Variants in SLC24A2 observed in about 807,000 individuals in gnomAD.
SLC24A2 encodes sodium/potassium/calcium exchanger 2.
A neutral mutation model predicts 62.0 loss-of-function variants in SLC24A2; 36 were observed. The observed-to-expected ratio is 0.58, with a 90% CI of 0.44 to 0.77. SLC24A2 has a LOEUF of 0.77. Among genes scored for constraint, SLC24A2 ranks in the 30% least tolerant of loss-of-function variants. SLC24A2 has a pLI of 0.00. For missense variants in SLC24A2, 846 were observed against 817.9 expected (o/e 1.03, Z -0.42); for synonymous variants, 358 against 294.0 (o/e 1.22, Z -2.23).
chr9:20,171,355 A>G, the SLC24A2 span, among the ~76,000 whole-genome samples: 5 of 152,036 alleles, frequency 3.3e-5, no homozygotes, highest in Non-Finnish European at 7.4e-5. Context: ...ATAGAATAGT[A>G]CCTCACATAT....
the SLC24A2 span, among the ~76,000 whole-genome samples, chr9:19,990,038 T>C: frequency 6.6e-6 from 1 of 152,214 alleles, no homozygotes; most frequent in Non-Finnish European, 1.5e-5. Context: ...GGCTCAGTTC[T>C]TTAGAGTTAT....
the SLC24A2 span, among the ~76,000 whole-genome samples, chr9:20,006,548 T>A: frequency 6.6e-6 from 1 of 152,136 alleles, no homozygotes; most frequent in African/African-American, 2.4e-5. Context: ...TTATTAAGCA[T>A]TGCATGCCTG....
At chr9:20,111,747 G>C in the SLC24A2 span, among the ~76,000 whole-genome samples, 1 of 152,038 alleles carries the variant, frequency 6.6e-6, no homozygotes, top group Non-Finnish European at 1.5e-5. Flanking sequence ...ATAAAATCTA[G>C]CATCAGAATG....
At chr9:19,856,977 C>A in the SLC24A2 span, among the ~76,000 whole-genome samples, 44 of 152,286 alleles carry the variant, frequency 2.9e-4, no homozygotes, top group Middle Eastern at 3.4e-3. Context: ...TTAAACATTT[C>A]TTTTAGGGTT....
intron 2 of SLC24A2, among the ~76,000 whole-genome samples, chr9:19,763,258 G>A (rs536077087): frequency 2.0e-4 from 30 of 152,168 alleles, no homozygotes; most frequent in Non-Finnish European, 4.1e-4. Context: ...CGTGTCATCT[G>A]CAAACAGAGA....
chr9:20,103,351 T>G, the SLC24A2 span, among the ~76,000 whole-genome samples: 1 of 152,172 alleles, frequency 6.6e-6, no homozygotes. Flanking sequence ...AGCATGGTTC[T>G]CCCAGCATGC....
At chr9:20,090,245 T>A in the SLC24A2 span, among the ~76,000 whole-genome samples, 1 of 152,048 alleles carries the variant, frequency 6.6e-6, no homozygotes, top group African/African-American at 2.4e-5. Context: ...GACCTGAATC[T>A]CTCTGGGGTG....
chr9:19,682,360 C>G (rs1418996492), intron 2 of SLC24A2, among the ~76,000 whole-genome samples: 1 of 152,014 alleles, frequency 6.6e-6, no homozygotes, highest in Non-Finnish European at 1.5e-5. Context: ...TTCTGTAAGC[C>G]CAACCGGGAG....
intron 2 of SLC24A2, among the ~76,000 whole-genome samples, chr9:19,781,104 G>A (rs903682190): frequency 1.3e-5 from 2 of 152,084 alleles, no homozygotes; most frequent in African/African-American, 4.8e-5. Context: ...TTGTGAAACT[G>A]AATTAAATAA....
At chr9:20,196,614 C>A in the SLC24A2 span, among the ~76,000 whole-genome samples, 2 of 152,120 alleles carry the variant, frequency 1.3e-5, no homozygotes, top group African/African-American at 2.4e-5. Flanking sequence ...CTACAGTTTG[C>A]CATTTTCTTA....
chr9:20,260,571 C>G, the SLC24A2 span, among the ~76,000 whole-genome samples: 1,568 of 152,298 alleles, frequency 0.01, 34 homozygotes, highest in African/African-American at 0.034. Context: ...AAAACACTGT[C>G]TTAGTTCATT....
intron 2 of SLC24A2, among the ~76,000 whole-genome samples, chr9:19,636,315 T>TTTTCTTTC (rs72137164): frequency 2.9e-3 from 118 of 40,126 alleles, no homozygotes; most frequent in South Asian, 3.9e-3. Flanking sequence ...TTTTCTTTTC[T>TTTTCTTTC]TTTCTTTCTT....
chr9:20,283,354 G>A, the SLC24A2 span, among the ~76,000 whole-genome samples: 1 of 152,192 alleles, frequency 6.6e-6, no homozygotes, highest in African/African-American at 2.4e-5. Context: ...AGTGATCCCT[G>A]CATGGGGGTT....
chr9:19,773,180 A>G (rs1822742668), intron 2 of SLC24A2, among the ~76,000 whole-genome samples: 1 of 152,224 alleles, frequency 6.6e-6, no homozygotes, highest in Non-Finnish European at 1.5e-5. Context: ...GGGAGAGACT[A>G]TCAGTGTGTA....
the SLC24A2 span, among the ~76,000 whole-genome samples, chr9:20,189,926 C>T: frequency 6.6e-6 from 1 of 152,108 alleles, no homozygotes; most frequent in Non-Finnish European, 1.5e-5. Context: ...TCTAAGGGTG[C>T]TGGGAGGGGA....
At chr9:20,194,619 C>A in the SLC24A2 span, among the ~76,000 whole-genome samples, 1 of 152,080 alleles carries the variant, frequency 6.6e-6, no homozygotes, top group African/African-American at 2.4e-5. Flanking sequence ...CTAAGAACTC[C>A]TTTGTATAGC....
chr9:19,873,603 CTCTTTCCTTTT>C, the SLC24A2 span, among the ~76,000 whole-genome samples: 5 of 146,332 alleles, frequency 3.4e-5, no homozygotes, highest in East Asian at 4.0e-4. Flanking sequence ...CTTTTCCTTT[CTCTTTCCTTTT>C]TCTTTCCTTC....
chr9:19,583,206 G>C (rs1836260255), intron 5 of SLC24A2, among the ~76,000 whole-genome samples: 1 of 152,140 alleles, frequency 6.6e-6, no homozygotes, highest in Non-Finnish European at 1.5e-5. Flanking sequence ...TCTCTTTGCT[G>C]TTTCTTGAAA....
At chr9:19,601,777 C>T (rs1358075173) in intron 4 of SLC24A2, among the ~76,000 whole-genome samples, 1 of 152,116 alleles carries the variant, frequency 6.6e-6, no homozygotes, top group South Asian at 2.1e-4. Flanking sequence ...AGCCATGAGA[C>T]CTTGGGCAAG....
Sources: allele counts gnomAD v4.1 joint callset (sites outside exome capture counted in the v4.1 genomes callset), GRCh38; gene constraint gnomAD v4.1.1; transcripts MANE v1.5; gene names NCBI Gene and HGNC (gene_info 2026-07-23, HGNC 2026-07-21).